Variants in PTPRT observed in about 807,000 individuals in gnomAD.
The protein encoded by PTPRT is protein tyrosine phosphatase receptor type T.
PTPRT carries 56 observed loss-of-function variants against 176.8 expected under a neutral mutation model. The observed-to-expected ratio is 0.32, with a 90% CI of 0.26 to 0.40. The LOEUF (loss-of-function observed/expected upper bound fraction) is 0.40, where lower values mean the gene tolerates loss of function less well. Among genes scored for constraint, PTPRT ranks in the 10% least tolerant of loss-of-function variants. The probability of loss-of-function intolerance (pLI) is 1.00; values close to 1 mark genes in which losing one functional copy is unlikely to be tolerated. For missense variants in PTPRT, 1,540 were observed against 1,908.2 expected (o/e 0.81, Z 3.60); for synonymous variants, 783 against 739.0 (o/e 1.06, Z -0.96).
chr20:43,035,175 A>G (rs113969095), intron 1 of PTPRT, among the ~76,000 whole-genome samples: 66 of 152,264 alleles, frequency 4.3e-4, no homozygotes, highest in African/African-American at 1.5e-3. Flanking sequence ...TCAGCAGTCC[A>G]GACCAAAGGA....
Position 42,755,934 on chromosome 20 carries a change from T to A in PTPRT, c.859+528A>T, listed in dbSNP as rs181700368. ...TGAGAGAAGCAGAAAACAATCTGCA[T>A]ATTTTAATGGAAAGCATGTAAACAG... On this transcript the variant is annotated intron_variant, in intron 6 of 30. Coordinates refer to ENST00000373187, the MANE Select transcript of PTPRT (RefSeq NM_007050.6). Among the ~76,000 whole-genome samples, 16 of 152,340 alleles carry A rather than the reference T, an allele frequency of 1.1e-4. No individual in the cohort carries two copies. The East Asian group carries it at 1.7e-3, about 17-fold the overall frequency.
rs756693020 is a variant in PTPRT, at chr20:42,080,887, A to G, written c.4318T>C (p.Ser1440Pro). The G allele has an allele frequency of 1.9e-6, 3 of 1,611,106 alleles. No individual in the cohort carries two copies. In the East Asian group the frequency reaches 6.7e-5, roughly 36 times the overall value. The change falls in exon 31 of 31, where the codon TCC becomes CCC. Residue 1440 changes from serine to proline, a missense_variant. By Grantham distance (74) the Ser-to-Pro change is moderately conservative. This residue lies in a region of PTPRT where 342 missense variants were observed against 394.0 expected (regional missense o/e 0.87). Coordinates refer to ENST00000373187, the MANE Select transcript of PTPRT (RefSeq NM_007050.6). The part of the protein sequence containing the change: ...VYEVALEYLS[S>P]F ...TTCCCCATCCCATTGAGCTAAAAGG[A>G]GCTTAAATATTCCAGTGCCACCTCG...
At chr20:42,894,020 A>G (rs1337431106) in intron 1 of PTPRT, among the ~76,000 whole-genome samples, 1 of 147,218 alleles carries the variant, frequency 6.8e-6, no homozygotes, top group Admixed American at 6.9e-5. Flanking sequence ...ATAATAATAA[A>G]AAATTAAAAA....
intron 12 of PTPRT, among the ~76,000 whole-genome samples, chr20:42,305,284 C>T (rs979036373): frequency 1.3e-5 from 2 of 151,734 alleles, no homozygotes; most frequent in East Asian, 2.0e-4. Context: ...ACCTGGGAGG[C>T]AGGTTGTAGT....
At chr20:42,676,913 C>T (rs2075514733) in intron 7 of PTPRT, among the ~76,000 whole-genome samples, 2 of 152,154 alleles carry the variant, frequency 1.3e-5, no homozygotes, top group South Asian at 4.1e-4. Flanking sequence ...GCCTGGGACA[C>T]AGTTGGATCC....
At chr20:42,476,796 C>A (rs2145311784) in intron 7 of PTPRT, among the ~76,000 whole-genome samples, 1 of 152,270 alleles carries the variant, frequency 6.6e-6, no homozygotes, top group East Asian at 1.9e-4. Flanking sequence ...GTCCTAAAAA[C>A]AACTCGACGG....
At chr20:42,867,390 ATTTTTTTTTT>A (rs761289845) in intron 2 of PTPRT, among the ~76,000 whole-genome samples, 5 of 102,174 alleles carry the variant, frequency 4.9e-5, no homozygotes, top group Non-Finnish European at 7.5e-5. Context: ...AAGAACACAG[ATTTTTTTTTT>A]TTTTTTTTTT....
At chr20:42,633,880 AT>A (rs1447761222) in intron 7 of PTPRT, among the ~76,000 whole-genome samples, 3 of 83,132 alleles carry the variant, frequency 3.6e-5, no homozygotes, top group East Asian at 6.4e-4. Flanking sequence ...ATAATATATT[AT>A]AATATAATTA....
At chr20:43,140,926 C>T (rs540330279) in intron 1 of PTPRT, among the ~76,000 whole-genome samples, 16 of 152,160 alleles carry the variant, frequency 1.1e-4, no homozygotes, top group Non-Finnish European at 1.6e-4. Context: ...CACTACTAAT[C>T]CTGGTGTCTG....
chr20:42,741,056 T>C (rs1434070886), intron 6 of PTPRT, among the ~76,000 whole-genome samples: 1 of 151,882 alleles, frequency 6.6e-6, no homozygotes, highest in Non-Finnish European at 1.5e-5. Flanking sequence ...ATTTGGAAGG[T>C]TTAGAGAGGA....
intron 7 of PTPRT, among the ~76,000 whole-genome samples, chr20:42,525,055 A>C (rs2072244130): frequency 6.6e-6 from 1 of 152,146 alleles, no homozygotes; most frequent in Admixed American, 6.5e-5. Context: ...TGGTAAGATT[A>C]CTGATCACCG....
intron 1 of PTPRT, among the ~76,000 whole-genome samples, chr20:43,170,068 A>G (rs1429271772): frequency 1.3e-5 from 2 of 151,936 alleles, no homozygotes; most frequent in Non-Finnish European, 1.5e-5. Flanking sequence ...GTGCCCACCC[A>G]CCGGTGTTGA....
At chr20:42,552,439 T>C (rs16987042) in intron 7 of PTPRT, among the ~76,000 whole-genome samples, 33,453 of 151,996 alleles carry the variant, frequency 0.22, 4,007 homozygotes, top group African/African-American at 0.31. Flanking sequence ...GTGTGAAAAA[T>C]ATCCAATCTT....
chr20:42,922,936 T>C lies in PTPRT; in HGVS notation c.89-37004A>G, dbSNP rs570085180. On this transcript the variant is annotated intron_variant, in intron 1 of 30. Transcript: ENST00000373187. ...CCCTCAGGAAAATCTTCCCTGACCA[T>C]CGCTCCCACCCCAAGCTAAGATGGC... 2.0e-4 allele frequency among the ~76,000 whole-genome samples: 31 copies of C among 152,210 alleles called. No homozygotes were observed. In the South Asian group the frequency reaches 5.8e-3, roughly 29 times the overall value.
chr20:42,575,222 G>T (rs1323316025), intron 7 of PTPRT, among the ~76,000 whole-genome samples: 2 of 152,166 alleles, frequency 1.3e-5, no homozygotes, highest in African/African-American at 4.8e-5. Flanking sequence ...TGGTCAAGGT[G>T]ATGGGGGGCA....
intron 7 of PTPRT, among the ~76,000 whole-genome samples, chr20:42,482,540 C>A (rs760710680): frequency 2.6e-5 from 4 of 152,162 alleles, no homozygotes; most frequent in Non-Finnish European, 4.4e-5. Context: ...CAGGCAAAAA[C>A]CCTCTGTGCC....
At chr20:42,381,615 T>C (rs2058699042) in intron 9 of PTPRT, among the ~76,000 whole-genome samples, 2 of 151,820 alleles carry the variant, frequency 1.3e-5, no homozygotes, top group Admixed American at 1.3e-4. Context: ...ACAGATACAG[T>C]GCTCAATATA....
chr20:42,533,710 T>G (rs2072425931), intron 7 of PTPRT, among the ~76,000 whole-genome samples: 2 of 152,198 alleles, frequency 1.3e-5, no homozygotes, highest in African/African-American at 4.8e-5. Flanking sequence ...AATGCCTTAA[T>G]AAATACAAGA....
At chr20:43,015,451 T>G (rs1306393196) in intron 1 of PTPRT, among the ~76,000 whole-genome samples, 1 of 152,234 alleles carries the variant, frequency 6.6e-6, no homozygotes, top group African/African-American at 2.4e-5. Context: ...GTATCATAAT[T>G]CAGTGAATAG....
Sources: allele counts gnomAD v4.1 joint callset (sites outside exome capture counted in the v4.1 genomes callset), GRCh38; gene constraint gnomAD v4.1.1; regional missense constraint gnomAD v4.1.1; transcripts MANE v1.5; gene names NCBI Gene and HGNC (gene_info 2026-07-23, HGNC 2026-07-21).